The following LRTM1 variants were observed in gnomAD, a reference collection of about 807,000 sequenced individuals.
LRTM1 encodes the protein leucine-rich repeat and transmembrane domain-containing protein 1.
A neutral mutation model predicts 32.4 loss-of-function variants in LRTM1; 38 were observed. The ratio of observed to expected loss-of-function variants is 1.17; its 90% CI spans 0.91 to 1.54. The LOEUF (loss-of-function observed/expected upper bound fraction) is 1.54. Among genes scored for constraint, LRTM1 ranks in the 40% most tolerant of loss-of-function variants. The probability of loss-of-function intolerance (pLI) is 0.00; values close to 1 mark genes in which losing one functional copy is unlikely to be tolerated. For missense variants in LRTM1, 466 were observed against 415.4 expected (o/e 1.12, Z -1.06); for synonymous variants, 186 against 169.9 (o/e 1.09, Z -0.74).
chr3:54,932,615 T>C (rs1230387088), upstream of LRTM1, among the ~76,000 whole-genome samples: 1 of 152,220 alleles, frequency 6.6e-6, no homozygotes, highest in Non-Finnish European at 1.5e-5. Context: ...TTGCCTCCTC[T>C]CTCACCAAGA....
chr3:54,918,886 A>G lies in LRTM1; in HGVS notation c.611T>C (p.Leu204Pro). The G allele has an allele frequency of 6.5e-7, 1 of 1,528,310 alleles. No homozygotes were observed. Among genetic ancestry groups the G allele is most frequent in the Non-Finnish European group, 8.8e-7 (1 of 1,138,040 alleles). 94.7% of individuals were successfully genotyped at this position (1,528,310 alleles called of 1,614,324 possible). A position where few individuals can be genotyped will look rare whatever the true frequency, so the allele number is the denominator to read the frequency against. Residue 204 changes from leucine (L) to proline (P), a missense_variant, in exon 3 of 3, where the codon CTA becomes CCA. Coordinates refer to ENST00000273286, the MANE Select transcript of LRTM1 (RefSeq NM_020678.4). Reference protein sequence around the residue: ...WLEKFVYKGGLTDGIICESPD... With the variant: ...WLEKFVYKGGPTDGIICESPD... ...TGATTCACAGATGATGCCGTCTGTTAGTCCCCCTTTAAAAAACAAAAGCAA... is the reference window on the plus strand; with the variant it reads ...TGATTCACAGATGATGCCGTCTGTTGGTCCCCCTTTAAAAAACAAAAGCAA...
At chr3:54,921,251 C>T (rs960494617) in intron 2 of LRTM1, among the ~76,000 whole-genome samples, 4 of 152,126 alleles carry the variant, frequency 2.6e-5, no homozygotes, top group African/African-American at 9.7e-5. Flanking sequence ...AGCTGTGCAG[C>T]CGTGAAAAAC....
chr3:54,942,078 A>C (rs956860240), intron 1 of LRTM1, among the ~76,000 whole-genome samples: 7 of 152,218 alleles, frequency 4.6e-5, no homozygotes, highest in African/African-American at 1.7e-4. Flanking sequence ...AACTTCAAAT[A>C]GGGTTTACCA....
At chr3:54,920,280 C>T (rs1213099105) in intron 2 of LRTM1, among the ~76,000 whole-genome samples, 1 of 152,168 alleles carries the variant, frequency 6.6e-6, no homozygotes, top group Non-Finnish European at 1.5e-5. Context: ...TCATAAGTGG[C>T]CCTGTAAGTA....
intron 1 of LRTM1, among the ~76,000 whole-genome samples, chr3:54,950,637 G>T (rs1158764945): frequency 6.6e-6 from 1 of 152,146 alleles, no homozygotes; most frequent in Admixed American, 6.5e-5. Flanking sequence ...CCAGGCTGTG[G>T]CAGGGCAGCC....
intron 1 of LRTM1, 135 bp downstream of exon 1, chr3:54,927,770 A>G: frequency 1.1e-6 from 1 of 943,616 alleles, no homozygotes; most frequent in South Asian, 1.4e-5. Context: ...CATTCCATGC[A>G]GAGACATTTT....
intron 1 of LRTM1, among the ~76,000 whole-genome samples, chr3:54,935,030 G>A (rs1037779359): frequency 1.3e-5 from 2 of 152,192 alleles, no homozygotes; most frequent in African/African-American, 4.8e-5. Flanking sequence ...GAGCCATGGC[G>A]CCCAAGTCTG....
At chr3:54,955,631 T>TG (rs1179275062) in intron 1 of LRTM1, among the ~76,000 whole-genome samples, 5 of 152,136 alleles carry the variant, frequency 3.3e-5, no homozygotes, top group Non-Finnish European at 7.3e-5. Flanking sequence ...TATCATTCTT[T>TG]GAGTCCCAAC....
chr3:54,918,790 G>T lies in LRTM1; in HGVS notation c.707C>A (p.Ala236Asp). ...AGCCTGCGAGGACACTGGATCAGGA[G>T]CAGGAAGAGGGCAGGGCTGGTACAG... ...HELYQPCPLP[A>D]PDPVSSQAQW... is the part of the protein sequence containing the mutation. The change falls in exon 3 of 3, where the codon GCT becomes GAT. Residue 236 changes from alanine to aspartate, a missense_variant. Physicochemically the swap from Ala to Asp is moderately radical, Grantham distance 126 (BLOSUM62 -2). Transcript: ENST00000273286. The T allele has an allele frequency of 6.2e-7, 1 of 1,614,036 alleles. No individual in the cohort carries two copies. Among genetic ancestry groups the T allele is most frequent in the Non-Finnish European group, 8.5e-7 (1 of 1,179,968 alleles).
chr3:54,955,701 G>GCT (rs1392950025), intron 1 of LRTM1, among the ~76,000 whole-genome samples: 1 of 152,128 alleles, frequency 6.6e-6, no homozygotes, highest in African/African-American at 2.4e-5. Context: ...AGACAGCCTG[G>GCT]CTCTCCCCTG....
At chr3:54,940,068 T>A (rs1007403401) in intron 1 of LRTM1, among the ~76,000 whole-genome samples, 1 of 152,110 alleles carries the variant, frequency 6.6e-6, no homozygotes, top group South Asian at 2.1e-4. Flanking sequence ...CTTACAGCCT[T>A]CCCACTGGAC....
chr3:54,933,091 TC>T, intron 1 of LRTM1, among the ~76,000 whole-genome samples: 1 of 145,830 alleles, frequency 6.9e-6, no homozygotes, highest in Non-Finnish European at 1.5e-5. Context: ...CTTCCTTCCT[TC>T]CTTCCTTCCT....
chr3:54,966,754 G>A (rs1702160492), intron 1 of LRTM1, among the ~76,000 whole-genome samples: 1 of 152,144 alleles, frequency 6.6e-6, no homozygotes, highest in Non-Finnish European at 1.5e-5. Flanking sequence ...GGGAAGCAGA[G>A]GTTGCAGTGA....
chr3:54,922,023 G>C (rs1235413614), intron 2 of LRTM1, among the ~76,000 whole-genome samples: 1 of 152,018 alleles, frequency 6.6e-6, no homozygotes, highest in East Asian at 1.9e-4. Context: ...ATTTTTCCTA[G>C]TTATGTTGGG....
intron 1 of LRTM1, 100 bp downstream of exon 1, chr3:54,927,801 AAGAC>A: frequency 8.0e-7 from 1 of 1,257,716 alleles, no homozygotes. Context: ...CCAGTCTTTT[AAGAC>A]AGACGACTTG....
chr3:54,954,843 A>C (rs759097732), intron 1 of LRTM1, among the ~76,000 whole-genome samples: 40 of 152,204 alleles, frequency 2.6e-4, no homozygotes, highest in Non-Finnish European at 5.1e-4. Flanking sequence ...AATCTTCAGA[A>C]AGAAGAACAA....
intron 1 of LRTM1, among the ~76,000 whole-genome samples, chr3:54,936,449 G>A (rs1179095913): frequency 1.3e-5 from 2 of 152,114 alleles, no homozygotes; most frequent in African/African-American, 2.4e-5. Context: ...ACAAACAAAG[G>A]AAAGTTGATT....
intron 1 of LRTM1, among the ~76,000 whole-genome samples, chr3:54,940,123 T>G (rs898616597): frequency 6.6e-6 from 1 of 152,112 alleles, no homozygotes; most frequent in Non-Finnish European, 1.5e-5. Flanking sequence ...ACTCACCACA[T>G]TGGTGTCTAG....
intron 1 of LRTM1, among the ~76,000 whole-genome samples, chr3:54,959,923 G>A (rs777201094): frequency 9.9e-5 from 15 of 152,070 alleles, no homozygotes; most frequent in Non-Finnish European, 1.9e-4. Context: ...TACCTCAAGG[G>A]TGAAAAGAAA....
Sources: gnomAD v4.1 joint callset for allele counts (sites outside exome capture counted in the v4.1 genomes callset) on GRCh38, gnomAD v4.1.1 for gene constraint, MANE v1.5 for transcripts, NCBI Gene and HGNC (gene_info 2026-07-23, HGNC 2026-07-21) for gene names.